Variants in EFCAB6 observed in about 807,000 individuals in gnomAD.
EFCAB6 encodes EF-hand calcium-binding domain-containing protein 6.
EFCAB6 carries 156 observed loss-of-function variants against 169.8 expected under a neutral mutation model. That is an observed-to-expected ratio of 0.92 (90% CI 0.81 to 1.05). EFCAB6 has a LOEUF of 1.05. Ranked by LOEUF, EFCAB6 falls within the 50% of genes least tolerant of loss-of-function variation. The pLI is 0.00. For missense variants in EFCAB6, 1,800 were observed against 1,829.1 expected (o/e 0.98, Z 0.29); for synonymous variants, 698 against 676.4 (o/e 1.03, Z -0.50).
rs375484782 is a variant in EFCAB6, at chr22:43,574,135, GA to G, written c.3420+2161del. Among the ~76,000 whole-genome samples, 302 of 149,644 alleles carry G rather than the reference GA, an allele frequency of 2.0e-3. 3 individuals are homozygous for G. The South Asian group carries it at 0.026, about 13-fold the overall frequency. On this transcript the variant is annotated intron_variant, in intron 26 of 31. Transcript: ENST00000262726. ...CTGTAAATTACAGAGGCAAAAGCTG[GA>G]AAAAAAAAATCCTAAATGCTTAAAA...
intron 17 of EFCAB6, among the ~76,000 whole-genome samples, chr22:43,661,562 A>T (rs996621614): frequency 1.1e-4 from 16 of 152,306 alleles, no homozygotes; most frequent in African/African-American, 3.1e-4. Flanking sequence ...AAATGATTGC[A>T]ACTACCCAGA....
chr22:43,736,257 C>T (rs1027480800), intron 6 of EFCAB6, among the ~76,000 whole-genome samples: 3 of 152,150 alleles, frequency 2.0e-5, no homozygotes, highest in Non-Finnish European at 4.4e-5. Context: ...AAGTCTCATA[C>T]ACAATTCATT....
At chr22:43,786,425 A>T (rs1280953415) in intron 2 of EFCAB6, among the ~76,000 whole-genome samples, 1 of 151,980 alleles carries the variant, frequency 6.6e-6, no homozygotes, top group Non-Finnish European at 1.5e-5. Context: ...AAAAGACATT[A>T]GAAAAAAAGA....
chr22:43,543,233 G>A (rs1350235130), intron 27 of EFCAB6, among the ~76,000 whole-genome samples: 2 of 152,194 alleles, frequency 1.3e-5, no homozygotes, highest in Non-Finnish European at 2.9e-5. Flanking sequence ...TCACCGAGGA[G>A]GGGAGGAAGA....
In EFCAB6 at chr22:43,531,107, G is replaced by C. The variant is rs2047036489; in HGVS notation, c.4234-143C>G. 2.6e-6 allele frequency: 3 copies of C among 1,134,984 alleles called. No individual in the cohort carries two copies. The East Asian group carries it at 7.5e-5, about 28-fold the overall frequency. The allele number at this position is 1,134,984 out of a possible 1,614,324, so 70.3% of individuals were successfully genotyped here. On this transcript the variant is annotated intron_variant, in intron 30 of 31. Transcript: ENST00000262726. ...GCTCCGCTGGCTCTGAATCGAGGAGGGAGCCTGCCAGAACTCGTCACAAAG... is the reference window on the plus strand; with the variant it reads ...GCTCCGCTGGCTCTGAATCGAGGAGCGAGCCTGCCAGAACTCGTCACAAAG...
At chr22:43,597,658 T>C (rs2052121326) in intron 23 of EFCAB6, among the ~76,000 whole-genome samples, 1 of 152,208 alleles carries the variant, frequency 6.6e-6, no homozygotes, top group Non-Finnish European at 1.5e-5. Context: ...TGTACAGTAC[T>C]GTGAAACACA....
intron 27 of EFCAB6, among the ~76,000 whole-genome samples, chr22:43,544,393 T>A (rs1183448767): frequency 2.0e-5 from 3 of 152,190 alleles, no homozygotes; most frequent in African/African-American, 7.2e-5. Flanking sequence ...CTTCTTGAAC[T>A]ACAGAGGCTG....
chr22:43,711,921 G>T (rs968520986), intron 9 of EFCAB6, among the ~76,000 whole-genome samples: 4 of 152,130 alleles, frequency 2.6e-5, no homozygotes, highest in Non-Finnish European at 5.9e-5. Flanking sequence ...CTGCCGGTTT[G>T]ATACATCTTC....
chr22:43,661,883 G>A (rs1260111015), intron 17 of EFCAB6, among the ~76,000 whole-genome samples: 1 of 152,162 alleles, frequency 6.6e-6, no homozygotes, highest in African/African-American at 2.4e-5. Flanking sequence ...CTGGGAGGCC[G>A]AGGCGGGTGG....
chr22:43,804,296 C>G (rs1224005189), intron 2 of EFCAB6, among the ~76,000 whole-genome samples: 1 of 152,008 alleles, frequency 6.6e-6, no homozygotes, highest in Non-Finnish European at 1.5e-5. Flanking sequence ...ATCCAACACA[C>G]CAAAGTCTAT....
Position 43,735,837 on chromosome 22 carries a change from C to A in EFCAB6, c.644+20G>T, listed in dbSNP as rs961387396. 10 of 1,611,434 alleles carry A rather than the reference C, an allele frequency of 6.2e-6. No individual in the cohort carries two copies. In the African/African-American group the frequency reaches 1.2e-4, roughly 19 times the overall value. On this transcript the variant is annotated intron_variant, in intron 7 of 31. Coordinates refer to ENST00000262726, the MANE Select transcript of EFCAB6 (RefSeq NM_022785.4). The stretch of plus-strand genomic sequence containing the variant: ...AAAAGTTCTACTGAGCAATCTCTCA[C>A]CGTGCCTTCATTTGCTTACTTTTCG...
chr22:43,602,120 G>A (rs1183634642), intron 22 of EFCAB6, among the ~76,000 whole-genome samples: 1 of 152,176 alleles, frequency 6.6e-6, no homozygotes, highest in East Asian at 1.9e-4. Flanking sequence ...CCCTCAGCTG[G>A]GAGCCGTCCC....
chr22:43,749,980 CAG>C (rs1305350011), intron 6 of EFCAB6, among the ~76,000 whole-genome samples: 3 of 152,146 alleles, frequency 2.0e-5, no homozygotes, highest in Non-Finnish European at 2.9e-5. Flanking sequence ...CAGGATCACT[CAG>C]AGAGTCCGTG....
At chr22:43,639,158 A>G (rs1352004585) in intron 17 of EFCAB6, among the ~76,000 whole-genome samples, 2 of 152,178 alleles carry the variant, frequency 1.3e-5, no homozygotes, top group African/African-American at 4.8e-5. Context: ...GAATATTCCT[A>G]TGCGGTTTTT....
chr22:43,807,719 T>C (rs751884421), intron 2 of EFCAB6, among the ~76,000 whole-genome samples: 2 of 152,092 alleles, frequency 1.3e-5, no homozygotes, highest in Non-Finnish European at 2.9e-5. Flanking sequence ...TTGGAAAAAA[T>C]TGTAAGCAAC....
At chr22:43,731,855 A>G in intron 7 of EFCAB6, 44 bp from the exon 8 acceptor site, 1 of 1,299,342 alleles carries the variant, frequency 7.7e-7, no homozygotes, top group South Asian at 1.6e-5. Flanking sequence ...TATGAATCTA[A>G]AATGAAGCAA....
rs1231504440 is a variant in EFCAB6, at chr22:43,534,886, TG to T, written c.4049-15del. On this transcript the variant is annotated splice_polypyrimidine_tract_variant and intron_variant, in intron 29 of 31. Transcript: ENST00000262726. Reference sequence around the variant, plus strand: ...TCTCCACAAGAGCTACAGAAAAAAATGGCAGTTCAATTGGTGGCGATTCATT... The same window carrying T: ...TCTCCACAAGAGCTACAGAAAAAAATGCAGTTCAATTGGTGGCGATTCATT... 1 of 1,591,992 alleles carries T rather than the reference TG, an allele frequency of 6.3e-7. No homozygotes were observed. Among genetic ancestry groups the T allele is most frequent in the African/African-American group, 1.4e-5 (1 of 73,868 alleles).
At chr22:43,706,512 C>A (rs559277083) in intron 10 of EFCAB6, among the ~76,000 whole-genome samples, 1 of 152,322 alleles carries the variant, frequency 6.6e-6, no homozygotes, top group African/African-American at 2.4e-5. Flanking sequence ...TTCTTATTCT[C>A]CAATGAGTCT....
intron 27 of EFCAB6, 100 bp downstream of exon 27, chr22:43,554,769 A>T: frequency 9.8e-7 from 1 of 1,018,912 alleles, no homozygotes; most frequent in Non-Finnish European, 1.5e-6. Context: ...CAAGCATTTT[A>T]AAAATAGAGA....
Sources: gnomAD v4.1 joint callset for allele counts (sites outside exome capture counted in the v4.1 genomes callset) on GRCh38, gnomAD v4.1.1 for gene constraint, MANE v1.5 for transcripts, NCBI Gene and HGNC (gene_info 2026-07-23, HGNC 2026-07-21) for gene names.